The following PARM1 variants were observed in gnomAD, a reference collection of about 807,000 sequenced individuals.
PARM1 encodes WSC4, cell wall integrity and stress response component 4 homolog.
A neutral mutation model predicts 24.6 loss-of-function variants in PARM1; 14 were observed. That is an observed-to-expected ratio of 0.57 (90% CI 0.38 to 0.89). The LOEUF (loss-of-function observed/expected upper bound fraction) is 0.89, where lower values mean the gene tolerates loss of function less well. Among genes scored for constraint, PARM1 ranks in the 40% least tolerant of loss-of-function variants. The pLI is 0.00. For missense variants in PARM1, 362 were observed against 380.4 expected (o/e 0.95, Z 0.40); for synonymous variants, 179 against 156.6 (o/e 1.14, Z -1.07).
intron 1 of PARM1, among the ~76,000 whole-genome samples, chr4:74,976,744 G>A (rs930738173): frequency 6.6e-6 from 1 of 152,200 alleles, no homozygotes; most frequent in Non-Finnish European, 1.5e-5. Flanking sequence ...CAAGAGGAAG[G>A]AGCAACCAGC....
chr4:74,982,196 A>C (rs1722270465), intron 1 of PARM1, among the ~76,000 whole-genome samples: 1 of 152,248 alleles, frequency 6.6e-6, no homozygotes. Context: ...ATGCAGGAAC[A>C]GAAAACCAAA....
At chr4:74,936,691 G>A (rs1428233344) in intron 1 of PARM1, among the ~76,000 whole-genome samples, 5 of 151,866 alleles carry the variant, frequency 3.3e-5, no homozygotes, top group African/African-American at 7.3e-5. Context: ...TCCTGACCTC[G>A]TGATCCACCA....
rs556240645 is a variant in PARM1, at chr4:75,002,989, T to C, written c.44-9436T>C. On this transcript the variant is annotated intron_variant, in intron 1 of 3. Coordinates refer to ENST00000307428, the MANE Select transcript of PARM1 (RefSeq NM_015393.4). ...CCTTTGTGTGTACTCTTGCCCTGGATCCCACAAATGTTGGGACTGGGTCTG... is the reference window on the plus strand; with the variant it reads ...CCTTTGTGTGTACTCTTGCCCTGGACCCCACAAATGTTGGGACTGGGTCTG... Among the ~76,000 whole-genome samples the C allele has an allele frequency of 3.3e-3, 508 of 152,278 alleles. 6 individuals are homozygous for C. Among genetic ancestry groups the C allele is most frequent in the African/African-American group, 0.011 (473 of 41,558 alleles).
At chr4:75,026,897 A>G (rs1723191318) in intron 2 of PARM1, among the ~76,000 whole-genome samples, 1 of 152,032 alleles carries the variant, frequency 6.6e-6, no homozygotes, top group African/African-American at 2.4e-5. Context: ...GGATTAGCCC[A>G]TTTTTTAGTT....
At chr4:74,992,825 G>T (rs1263057628) in intron 1 of PARM1, among the ~76,000 whole-genome samples, 1 of 152,140 alleles carries the variant, frequency 6.6e-6, no homozygotes, top group East Asian at 1.9e-4. Context: ...TATCAGATAA[G>T]CAATGCAAGA....
intron 1 of PARM1, chr4:74,970,321 G>A (rs960360003): frequency 1.3e-5 from 2 of 152,286 alleles, no homozygotes; most frequent in African/African-American, 4.8e-5. Flanking sequence ...AGAAGGAGCT[G>A]TCCTCTTGTG....
rs993225651 is a variant in PARM1, at chr4:74,988,917, A to G, written c.44-23508A>G. 5.3e-5 allele frequency among the ~76,000 whole-genome samples: 8 copies of G among 152,218 alleles called. No individual in the cohort carries two copies. In the East Asian group the frequency reaches 1.3e-3, roughly 26 times the overall value. On this transcript the variant is annotated intron_variant, in intron 1 of 3. Coordinates refer to ENST00000307428, the MANE Select transcript of PARM1 (RefSeq NM_015393.4). ...AAGATTACAAAGGTAGTATAAGCCA[A>G]AACCACTGAGGAAAGGGCATTTTGT...
At chr4:74,982,276 A>T (rs1329355276) in intron 1 of PARM1, among the ~76,000 whole-genome samples, 1 of 152,116 alleles carries the variant, frequency 6.6e-6, no homozygotes, top group Non-Finnish European at 1.5e-5. Context: ...GGGGAACAAC[A>T]CACACTGGGG....
chr4:75,042,900 C>T (rs573145255), intron 3 of PARM1, among the ~76,000 whole-genome samples: 1 of 151,400 alleles, frequency 6.6e-6, no homozygotes, highest in Admixed American at 6.6e-5. Context: ...TATATCTTTC[C>T]TCACTTATCA....
rs560142472 is a variant in PARM1, at chr4:75,043,262, T to C, written c.849-2901T>C. Among the ~76,000 whole-genome samples, 39 of 152,338 alleles carry C rather than the reference T, an allele frequency of 2.6e-4. 1 individual carries two copies. The highest frequency in any genetic ancestry group is 2.2e-3 in the Admixed American group (33 of 15,300). ...TCACTTTTCATTCAATGACATTTTT[T>C]ACTATTTGGCAGATTCACCATGTGC... On this transcript the variant is annotated intron_variant, in intron 3 of 3. Coordinates refer to ENST00000307428, the MANE Select transcript of PARM1 (RefSeq NM_015393.4).
chr4:75,000,428 A>G (rs1225920548), intron 1 of PARM1, among the ~76,000 whole-genome samples: 1 of 152,226 alleles, frequency 6.6e-6, no homozygotes, highest in Non-Finnish European at 1.5e-5. Flanking sequence ...CAACAATATC[A>G]TCAAGGAGAA....
chr4:74,990,761 A>T lies in PARM1; in HGVS notation c.44-21664A>T, dbSNP rs559947033. 2.6e-5 allele frequency among the ~76,000 whole-genome samples: 4 copies of T among 152,276 alleles called. No individual in the cohort carries two copies. In the East Asian group the frequency reaches 5.8e-4, roughly 22 times the overall value. ...ATTTTGCCAGATGGCAAAATTTTTC[A>T]CTTGAGTTCACCTTTAAAACACTGT... On this transcript the variant is annotated intron_variant, in intron 1 of 3. Transcript: ENST00000307428.
At chr4:75,010,608 CT>C (rs199600751) in intron 1 of PARM1, among the ~76,000 whole-genome samples, 3,946 of 152,188 alleles carry the variant, frequency 0.026, 70 homozygotes, top group Non-Finnish European at 0.038. Flanking sequence ...GGGAAGACTC[CT>C]TTGAGGAAGA....
chr4:75,033,832 A>G, intron 2 of PARM1, 51 bp from the exon 3 acceptor site: 2 of 1,465,740 alleles, frequency 1.4e-6, no homozygotes, highest in Non-Finnish European at 1.9e-6. Context: ...AAGTCACATG[A>G]TGCCCCGTAT....
chr4:74,981,576 C>T (rs1037488789), intron 1 of PARM1, among the ~76,000 whole-genome samples: 5 of 151,996 alleles, frequency 3.3e-5, no homozygotes, highest in African/African-American at 1.2e-4. Context: ...GTAGCTATTC[C>T]TCAAACACCT....
At chr4:74,953,476 A>C (rs1721569622) in intron 1 of PARM1, among the ~76,000 whole-genome samples, 6 of 152,252 alleles carry the variant, frequency 3.9e-5, no homozygotes, top group Admixed American at 3.3e-4. Flanking sequence ...AAAATTCCAG[A>C]GAAAGTCATT....
At chr4:75,030,943 G>A (rs1401884441) in intron 2 of PARM1, among the ~76,000 whole-genome samples, 1 of 152,112 alleles carries the variant, frequency 6.6e-6, no homozygotes, top group East Asian at 1.9e-4. Flanking sequence ...CAGAACTCAG[G>A]GGGAAATGGC....
intron 1 of PARM1, among the ~76,000 whole-genome samples, chr4:74,975,027 G>A (rs1462484162): frequency 1.3e-5 from 2 of 152,174 alleles, no homozygotes; most frequent in South Asian, 2.1e-4. Flanking sequence ...GTGGCATTTT[G>A]TTATGGCAGC....
rs35380033 is a variant in PARM1, at chr4:74,964,553, G to GCACACACACACACACACACA, written c.43+31190_43+31209dup. On this transcript the variant is annotated intron_variant, in intron 1 of 3. Transcript: ENST00000307428. Reference sequence around the variant, plus strand: ...ATCAACTCCTTCCACACCTGGCAAAGCACACACACACACACACACACACAC... The same window carrying GCACACACACACACACACACA: ...ATCAACTCCTTCCACACCTGGCAAAGCACACACACACACACACACACACACACACACACACACACACACAC... 2.5e-3 allele frequency among the ~76,000 whole-genome samples: 354 copies of GCACACACACACACACACACA among 143,380 alleles called. 3 individuals are homozygous for GCACACACACACACACACACA. The highest frequency in any genetic ancestry group is 9.2e-3 in the African/African-American group (335 of 36,258). 94.1% of individuals were successfully genotyped at this position (143,380 alleles called of 152,430 possible).
Sources: allele counts gnomAD v4.1 joint callset (sites outside exome capture counted in the v4.1 genomes callset), GRCh38; gene constraint gnomAD v4.1.1; transcripts MANE v1.5; gene names NCBI Gene and HGNC (gene_info 2026-07-23, HGNC 2026-07-21).